RELL1: variants seen among roughly 807,000 people sequenced by gnomAD.
RELL1 encodes RELT-like protein 1.
In RELL1, 10 loss-of-function variants were observed where a neutral mutation model predicts 23.0. That is an observed-to-expected ratio of 0.43 (90% CI 0.27 to 0.74). The LOEUF is 0.74. RELL1 is among the 30% of genes least tolerant of loss of function. RELL1 has a pLI of 0.19. For synonymous variants in RELL1, 146 were observed against 146.8 expected (o/e 0.99, Z 0.04); for missense variants, 315 against 364.4 (o/e 0.86, Z 1.10).
intron 6 of RELL1, among the ~76,000 whole-genome samples, chr4:37,604,854 C>G (rs1013019167): frequency 5.0e-5 from 3 of 59,646 alleles, no homozygotes; most frequent in African/African-American, 1.7e-4. Context: ...CACACACAGA[C>G]ACACACACAC....
chr4:37,648,824 C>A (rs555341800), intron 2 of RELL1, among the ~76,000 whole-genome samples: 2 of 152,292 alleles, frequency 1.3e-5, no homozygotes, highest in South Asian at 4.1e-4. Flanking sequence ...CACTCTTATT[C>A]GAATCTGATT....
Position 37,621,280 on chromosome 4 carries a change from C to T in RELL1, c.*4-7938G>A, listed in dbSNP as rs186167518. On this transcript the variant is annotated intron_variant, in intron 6 of 6. Coordinates refer to ENST00000454158, the MANE Select transcript of RELL1 (RefSeq NM_001085400.2). ...GACCATCCTGGCTAGTATAGCAAAA[C>T]CTCTTCTCTACTAAAAATACAAAAA... is the stretch of plus-strand genomic sequence containing the variant. 3.8e-3 allele frequency among the ~76,000 whole-genome samples: 570 copies of T among 151,990 alleles called. 3 individuals carry two copies. Among genetic ancestry groups the T allele is most frequent in the Non-Finnish European group, 6.9e-3 (466 of 67,966 alleles).
chr4:37,659,474 G>T (rs1439037757), intron 1 of RELL1, among the ~76,000 whole-genome samples: 1 of 152,136 alleles, frequency 6.6e-6, no homozygotes, highest in Non-Finnish European at 1.5e-5. Context: ...CGGGGAAATG[G>T]CATTTCTCAC....
At chr4:37,614,636 T>C (rs1017357923) in intron 6 of RELL1, among the ~76,000 whole-genome samples, 2 of 144,280 alleles carry the variant, frequency 1.4e-5, no homozygotes, top group Admixed American at 7.0e-5. Flanking sequence ...GGAAAAAAGG[T>C]AGAAAGGCCA....
At chr4:37,596,180 C>T (rs1400143653) in intron 6 of RELL1, among the ~76,000 whole-genome samples, 1 of 152,190 alleles carries the variant, frequency 6.6e-6, no homozygotes, top group Non-Finnish European at 1.5e-5. Context: ...GACCTTTTGA[C>T]TTTAAGTTCC....
chr4:37,642,662 G>A (rs1009825516), intron 3 of RELL1, among the ~76,000 whole-genome samples: 3 of 152,120 alleles, frequency 2.0e-5, no homozygotes, highest in African/African-American at 4.8e-5. Context: ...ACACTAATGC[G>A]GTGACTTGGG....
chr4:37,663,092 G>T (rs1721411289), intron 1 of RELL1, among the ~76,000 whole-genome samples: 2 of 152,138 alleles, frequency 1.3e-5, no homozygotes, highest in South Asian at 2.1e-4. Flanking sequence ...CCTCAGAGAG[G>T]GGCGTGAGGA....
At chr4:37,661,993 C>A (rs1440762468) in intron 1 of RELL1, among the ~76,000 whole-genome samples, 2 of 152,146 alleles carry the variant, frequency 1.3e-5, no homozygotes, top group African/African-American at 4.8e-5. Context: ...CAAAGTCCAC[C>A]CACCCATGAA....
At chr4:37,617,894 C>T (rs1296570643) in intron 6 of RELL1, among the ~76,000 whole-genome samples, 3 of 152,192 alleles carry the variant, frequency 2.0e-5, no homozygotes, top group Non-Finnish European at 4.4e-5. Flanking sequence ...GCAGAGGGCT[C>T]TTGTAATGAT....
intron 1 of RELL1, among the ~76,000 whole-genome samples, chr4:37,673,354 T>G (rs1721908445): frequency 6.6e-6 from 1 of 151,858 alleles, no homozygotes; most frequent in African/African-American, 2.4e-5. Flanking sequence ...CATGCCCAGC[T>G]AATTTTTGTC....
At chr4:37,668,402 G>C (rs942186291) in intron 1 of RELL1, among the ~76,000 whole-genome samples, 2 of 152,164 alleles carry the variant, frequency 1.3e-5, no homozygotes, top group African/African-American at 4.8e-5. Context: ...TTTTTGGGTG[G>C]AGACGGGGTT....
intron 6 of RELL1, among the ~76,000 whole-genome samples, chr4:37,629,014 C>T (rs757267258): frequency 1.2e-4 from 18 of 152,160 alleles, no homozygotes; most frequent in Non-Finnish European, 2.4e-4. Context: ...TCTAGAGTAC[C>T]GCTCTCTGGG....
intron 6 of RELL1, among the ~76,000 whole-genome samples, chr4:37,593,667 T>G (rs1213730464): frequency 1.3e-5 from 2 of 152,128 alleles, no homozygotes; most frequent in African/African-American, 4.8e-5. Flanking sequence ...AAACTCAGAA[T>G]GCAGTTACTA....
chr4:37,652,787 C>A (rs1720994324), intron 1 of RELL1, among the ~76,000 whole-genome samples: 1 of 152,118 alleles, frequency 6.6e-6, no homozygotes, highest in South Asian at 2.1e-4. Flanking sequence ...CACTTAATTT[C>A]ATAATTATCG....
intron 6 of RELL1, among the ~76,000 whole-genome samples, chr4:37,621,322 G>A: frequency 6.6e-6 from 1 of 152,162 alleles, no homozygotes; most frequent in South Asian, 2.1e-4. Flanking sequence ...CAGGCGTGGT[G>A]GTGGGCACCT....
At chr4:37,593,260 A>G (rs1355495324) in intron 6 of RELL1, among the ~76,000 whole-genome samples, 1 of 152,158 alleles carries the variant, frequency 6.6e-6, no homozygotes, top group Non-Finnish European at 1.5e-5. Context: ...ATAGAGGCTT[A>G]TTTACCTCTT....
intron 3 of RELL1, among the ~76,000 whole-genome samples, chr4:37,641,473 G>T (rs1199948941): frequency 6.6e-6 from 1 of 152,164 alleles, no homozygotes; most frequent in East Asian, 1.9e-4. Flanking sequence ...TCTGTTGAAG[G>T]TGTATCTCCT....
At chr4:37,645,386 A>C (rs1720676032) in intron 3 of RELL1, among the ~76,000 whole-genome samples, 2 of 152,236 alleles carry the variant, frequency 1.3e-5, no homozygotes, top group African/African-American at 4.8e-5. Context: ...GGGCAAATTC[A>C]AAAGCACTTT....
chr4:37,642,703 C>A (rs1720570479), intron 3 of RELL1, among the ~76,000 whole-genome samples: 1 of 152,166 alleles, frequency 6.6e-6, no homozygotes, highest in African/African-American at 2.4e-5. Context: ...CAGGGTGGGG[C>A]CAGTCATCAT....
Sources: allele counts gnomAD v4.1 joint callset (sites outside exome capture counted in the v4.1 genomes callset), GRCh38; gene constraint gnomAD v4.1.1; transcripts MANE v1.5; gene names NCBI Gene and HGNC (gene_info 2026-07-23, HGNC 2026-07-21).